The following ANKS1B variants were observed in gnomAD, a reference collection of about 807,000 sequenced individuals.
ANKS1B encodes ankyrin repeat and sterile alpha motif domain containing 1B.
Under a neutral mutation model 148.3 loss-of-function variants are expected in ANKS1B, and 36 were observed. The observed-to-expected ratio is 0.24, with a 90% CI of 0.19 to 0.32. The LOEUF (loss-of-function observed/expected upper bound fraction) is 0.32, where lower values mean the gene tolerates loss of function less well. Among genes scored for constraint, ANKS1B ranks in the 10% least tolerant of loss-of-function variants. The probability of loss-of-function intolerance (pLI) is 1.00; values close to 1 mark genes in which losing one functional copy is unlikely to be tolerated. For synonymous variants in ANKS1B, 542 were observed against 560.8 expected (o/e 0.97, Z 0.47); for missense variants, 1,157 against 1,542.6 (o/e 0.75, Z 4.19).
intron 12 of ANKS1B, among the ~76,000 whole-genome samples, chr12:99,327,372 TTATA>T (rs565870588): frequency 2.1e-4 from 22 of 105,858 alleles, no homozygotes; most frequent in African/African-American, 5.2e-4. Flanking sequence ...TAATTACATA[TTATA>T]TATAATTATA....
intron 1 of ANKS1B, among the ~76,000 whole-genome samples, chr12:99,850,070 T>A (rs968872381): frequency 2.7e-4 from 41 of 152,102 alleles, no homozygotes; most frequent in Admixed American, 1.8e-3. Flanking sequence ...TTAGGGAGCA[T>A]GTTATTCAGC....
chr12:99,567,466 A>C (rs1318599459), intron 9 of ANKS1B, among the ~76,000 whole-genome samples: 1 of 152,114 alleles, frequency 6.6e-6, no homozygotes, highest in Non-Finnish European at 1.5e-5. Flanking sequence ...ACACACATAC[A>C]AACACATACC....
chr12:99,578,332 AT>A (rs1864668203), intron 9 of ANKS1B, among the ~76,000 whole-genome samples: 1 of 152,152 alleles, frequency 6.6e-6, no homozygotes, highest in Admixed American at 6.5e-5. Flanking sequence ...ACTCCTATTT[AT>A]AACAGCACTA....
chr12:99,626,973 A>G (rs2098117205), intron 9 of ANKS1B, among the ~76,000 whole-genome samples: 1 of 152,140 alleles, frequency 6.6e-6, no homozygotes, highest in African/African-American at 2.4e-5. Context: ...AGGATATAAT[A>G]AAATAATAGA....
intron 1 of ANKS1B, among the ~76,000 whole-genome samples, chr12:99,924,393 T>C (rs2094437620): frequency 1.3e-5 from 2 of 152,212 alleles, no homozygotes; most frequent in South Asian, 4.1e-4. Context: ...ATTCTCTTTT[T>C]AAAACTTACA....
At chr12:99,791,877 TA>T (rs2065698115) in intron 4 of ANKS1B, among the ~76,000 whole-genome samples, 2 of 134,978 alleles carry the variant, frequency 1.5e-5, no homozygotes, top group African/African-American at 2.7e-5. Context: ...AATGCAAAAT[TA>T]AGAGAAGAAA....
chr12:99,642,407 T>C (rs2098317831), intron 9 of ANKS1B, among the ~76,000 whole-genome samples: 1 of 152,204 alleles, frequency 6.6e-6, no homozygotes, highest in Non-Finnish European at 1.5e-5. Flanking sequence ...AACTTAGTAT[T>C]ATAGCTTAAA....
At chr12:99,706,673 A>G (rs2055827889) in intron 8 of ANKS1B, 1 of 152,138 alleles carries the variant, frequency 6.6e-6, no homozygotes, top group South Asian at 2.1e-4. Context: ...TTAATTCCAT[A>G]GTTATGTCAC....
intron 1 of ANKS1B, among the ~76,000 whole-genome samples, chr12:99,907,436 C>A (rs1349675640): frequency 6.6e-6 from 1 of 152,212 alleles, no homozygotes; most frequent in Non-Finnish European, 1.5e-5. Context: ...AATGCATGAT[C>A]AGACCAGTGA....
At chr12:99,790,066 A>C (rs974173035) in intron 4 of ANKS1B, among the ~76,000 whole-genome samples, 1 of 152,228 alleles carries the variant, frequency 6.6e-6, no homozygotes, top group Admixed American at 6.5e-5. Flanking sequence ...AAGGCATTTA[A>C]GAATCAAACT....
chr12:99,201,624 AT>A (rs2082079443), intron 14 of ANKS1B, among the ~76,000 whole-genome samples: 1 of 152,182 alleles, frequency 6.6e-6, no homozygotes, highest in Non-Finnish European at 1.5e-5. Flanking sequence ...TGTGCAGGCA[AT>A]TTGCATGATA....
chr12:98,933,160 G>C (rs985152678), intron 17 of ANKS1B, among the ~76,000 whole-genome samples: 3 of 152,042 alleles, frequency 2.0e-5, no homozygotes, highest in Admixed American at 1.3e-4. Flanking sequence ...ACTCTCCCTA[G>C]CCCTGGAAAC....
At chr12:99,325,298 A>C (rs755124363) in intron 12 of ANKS1B, among the ~76,000 whole-genome samples, 1 of 152,272 alleles carries the variant, frequency 6.6e-6, no homozygotes, top group South Asian at 2.1e-4. Context: ...AGGCAAGAAC[A>C]AACATTGAAT....
chr12:99,971,882 A>C (rs974477782), intron 1 of ANKS1B, among the ~76,000 whole-genome samples: 3 of 152,232 alleles, frequency 2.0e-5, no homozygotes, highest in Admixed American at 6.5e-5. Flanking sequence ...AAATACTTTT[A>C]GTGCACACTT....
intron 10 of ANKS1B, among the ~76,000 whole-genome samples, chr12:99,502,625 A>T (rs1395556922): frequency 6.6e-6 from 1 of 152,128 alleles, no homozygotes; most frequent in Non-Finnish European, 1.5e-5. Context: ...ATTAACATGT[A>T]ACCTTGGGAG....
chr12:99,638,472 T>C (rs1196949356), intron 9 of ANKS1B, among the ~76,000 whole-genome samples: 1 of 152,168 alleles, frequency 6.6e-6, no homozygotes, highest in African/African-American at 2.4e-5. Context: ...AAGAGACTGG[T>C]AGCATTTTGC....
intron 9 of ANKS1B, among the ~76,000 whole-genome samples, chr12:99,525,098 C>T (rs1235583322): frequency 7.0e-6 from 1 of 142,906 alleles, no homozygotes; most frequent in Non-Finnish European, 1.5e-5. Flanking sequence ...AAGAATAATA[C>T]ATTTGTGTTG....
chr12:98,842,300 T>C (rs1370208906), intron 17 of ANKS1B, among the ~76,000 whole-genome samples: 3 of 152,156 alleles, frequency 2.0e-5, no homozygotes, highest in African/African-American at 7.2e-5. Flanking sequence ...AAAAACATTA[T>C]GCTAAGTGAA....
In ANKS1B at chr12:99,467,543, C is replaced by G. The variant is rs12230337; in HGVS notation, c.1439-23734G>C. On this transcript the variant is annotated intron_variant, in intron 10 of 26. Transcript: ENST00000683438. ...ATGATTGTATATCTAGAAAACCCCA[C>G]TGTCTCAGCCCAAAATCTCCTTAAG... 1.2e-4 allele frequency among the ~76,000 whole-genome samples: 19 copies of G among 152,238 alleles called. No individual in the cohort carries two copies. The East Asian group carries it at 3.5e-3, about 28-fold the overall frequency.
Sources: gnomAD v4.1 joint callset for allele counts (sites outside exome capture counted in the v4.1 genomes callset) on GRCh38, gnomAD v4.1.1 for gene constraint, MANE v1.5 for transcripts, NCBI Gene and HGNC (gene_info 2026-07-23, HGNC 2026-07-21) for gene names.